CNST: variants seen among roughly 807,000 people sequenced by gnomAD.
CNST encodes consortin, connexin sorting protein.
A neutral mutation model predicts 72.4 loss-of-function variants in CNST; 39 were observed. The ratio of observed to expected loss-of-function variants is 0.54; its 90% CI spans 0.42 to 0.70. The LOEUF (loss-of-function observed/expected upper bound fraction) is 0.70. Among genes scored for constraint, CNST ranks in the 30% least tolerant of loss-of-function variants. The pLI, the probability that CNST is intolerant of heterozygous loss-of-function variation, is 0.00. For missense variants in CNST, 871 were observed against 868.5 expected (o/e 1.00, Z -0.04); for synonymous variants, 332 against 320.1 (o/e 1.04, Z -0.40).
intron 2 of CNST, among the ~76,000 whole-genome samples, chr1:246,619,277 T>C (rs1427515338): frequency 1.3e-5 from 2 of 152,142 alleles, no homozygotes; most frequent in African/African-American, 4.8e-5. Context: ...AGCAGAAGAA[T>C]CACCTCCTGT....
In CNST at chr1:246,591,929, A is replaced by C. The variant is rs1378972258; in HGVS notation, c.367A>C (p.Lys123Gln). The C allele has an allele frequency of 4.4e-6, 7 of 1,607,716 alleles. No individual in the cohort carries two copies. Among genetic ancestry groups the C allele is most frequent in the Non-Finnish European group, 5.9e-6 (7 of 1,178,146 alleles). Reference protein sequence around the residue: ...SPRSKKGTAKKIPPGLFSGDI... With the variant: ...SPRSKKGTAKQIPPGLFSGDI... Reference sequence around the variant, plus strand: ...AAGAAGCAAAAAAGGGACTGCTAAGAAGATACCACCAGGTATTGTTTAAAA... The same window carrying C: ...AAGAAGCAAAAAAGGGACTGCTAAGCAGATACCACCAGGTATTGTTTAAAA... Residue 123 changes from lysine (K) to glutamine (Q), a missense_variant, in exon 2 of 11, where the codon AAG (lysine) becomes CAG (glutamine). Coordinates refer to ENST00000366513, the MANE Select transcript of CNST (RefSeq NM_152609.3).
intron 1 of CNST, among the ~76,000 whole-genome samples, chr1:246,589,849 AT>A (rs1257977270): frequency 6.6e-6 from 1 of 152,048 alleles, no homozygotes; most frequent in Non-Finnish European, 1.5e-5. Context: ...TTTGATTTGC[AT>A]TTCTCTGATG....
chr1:246,578,886 G>A (rs79106513), intron 1 of CNST, among the ~76,000 whole-genome samples: 2,346 of 152,210 alleles, frequency 0.015, 55 homozygotes, highest in African/African-American at 0.054. Context: ...AGAACTGTTT[G>A]ACTTTGGATG....
intron 2 of CNST, among the ~76,000 whole-genome samples, chr1:246,593,900 C>A (rs886575230): frequency 3.3e-5 from 5 of 152,134 alleles, no homozygotes; most frequent in Admixed American, 2.0e-4. Flanking sequence ...GTAGCTCGGA[C>A]AACAGGCATG....
intron 2 of CNST, among the ~76,000 whole-genome samples, chr1:246,602,940 A>G (rs1662407979): frequency 6.6e-6 from 1 of 151,608 alleles, no homozygotes; most frequent in Non-Finnish European, 1.5e-5. Flanking sequence ...AAAATGCAGT[A>G]TCTATGCAGA....
chr1:246,663,748 A>G (rs1437347295), intron 10 of CNST, among the ~76,000 whole-genome samples: 2 of 152,234 alleles, frequency 1.3e-5, no homozygotes, highest in African/African-American at 2.4e-5. Flanking sequence ...CTCAAAAAAA[A>G]AAACAACTAT....
intron 2 of CNST, among the ~76,000 whole-genome samples, chr1:246,596,822 C>T (rs1661920323): frequency 6.6e-6 from 1 of 152,198 alleles, no homozygotes. Flanking sequence ...TGGAATCATA[C>T]AATAGAAGGT....
chr1:246,634,377 A>G (rs1572210798), intron 5 of CNST, 96 bp from the exon 6 acceptor site: 3 of 675,266 alleles, frequency 4.4e-6, no homozygotes, highest in East Asian at 2.8e-5. Context: ...TTTGCATGCA[A>G]ATCTTTATGA....
Position 246,647,911 on chromosome 1 carries a change from C to T in CNST, c.1710C>T (p.Asp570=), listed in dbSNP as rs1410996684. ...EDSLSYEDNQ[D]DDSDLLQDLS... is the part of the protein sequence containing the mutation. ...CCCTTTCCTATGAAGATAACCAAGA[C>T]GACGACTCCGATCTCCTTCAAGATC... The change falls in exon 9 of 11, where the codon GAC becomes GAT. Residue 570 remains aspartate, a synonymous_variant. Transcript: ENST00000366513. 21 of 1,613,870 alleles carry T rather than the reference C, an allele frequency of 1.3e-5. No homozygotes were observed. Among genetic ancestry groups the T allele is most frequent in the Admixed American group, 1.2e-4 (7 of 60,018 alleles).
chr1:246,639,076 C>G (rs922193165), intron 6 of CNST, among the ~76,000 whole-genome samples: 1 of 152,128 alleles, frequency 6.6e-6, no homozygotes, highest in Non-Finnish European at 1.5e-5. Flanking sequence ...TGCTTGGAGA[C>G]AGGCAAGCCA....
chr1:246,607,974 G>A (rs1290130045), intron 2 of CNST: 2 of 152,020 alleles, frequency 1.3e-5, no homozygotes, highest in Non-Finnish European at 2.9e-5. Flanking sequence ...CCAGCTGCTC[G>A]GGAGGCTGAG....
chr1:246,566,657 T>C lies in CNST; in HGVS notation c.-58T>C, dbSNP rs965473749. On this transcript the variant is annotated 5_prime_UTR_variant, in exon 1 of 11. Coordinates refer to ENST00000366513, the MANE Select transcript of CNST (RefSeq NM_152609.3). ...GCGGTAGCCCTCCTTGCGCCTCCGA[T>C]TCCCAGGTGAGGAGAGGAGGAGCGG... is the stretch of plus-strand genomic sequence containing the variant. 17 of 401,886 alleles carry C rather than the reference T, an allele frequency of 4.2e-5. No individual in the cohort carries two copies. Among genetic ancestry groups the C allele is most frequent in the Non-Finnish European group, 7.5e-5 (17 of 227,796 alleles). The allele number at this position is 401,886 out of a possible 1,614,324, so 24.9% of individuals were successfully genotyped here. A position where few individuals can be genotyped will look rare whatever the true frequency, so the allele number is the denominator to read the frequency against.
chr1:246,633,440 CTG>C (rs888712582), intron 4 of CNST, among the ~76,000 whole-genome samples: 3 of 139,088 alleles, frequency 2.2e-5, no homozygotes, highest in African/African-American at 5.4e-5. Context: ...CAGAGGGAGA[CTG>C]TGTCTCAAAA....
chr1:246,642,065 A>T (rs1665735658), intron 8 of CNST, 28 bp downstream of exon 8: 1 of 1,315,930 alleles, frequency 7.6e-7, no homozygotes, highest in African/African-American at 1.5e-5. Flanking sequence ...GCTATGGAGC[A>T]ACGTAAAAGA....
chr1:246,584,396 C>T (rs1476954005), intron 1 of CNST, among the ~76,000 whole-genome samples: 1 of 152,036 alleles, frequency 6.6e-6, no homozygotes, highest in Non-Finnish European at 1.5e-5. Context: ...ATTCAGATGT[C>T]CACATAAAGT....
intron 2 of CNST, among the ~76,000 whole-genome samples, chr1:246,592,211 G>A (rs546161977): frequency 1.3e-5 from 2 of 152,286 alleles, no homozygotes; most frequent in East Asian, 1.9e-4. Flanking sequence ...TGCTGAGGCC[G>A]GGTACGGTGG....
chr1:246,662,792 T>A (rs1280115789), intron 10 of CNST, among the ~76,000 whole-genome samples: 3 of 152,356 alleles, frequency 2.0e-5, no homozygotes, highest in Non-Finnish European at 2.9e-5. Flanking sequence ...CATCCTTTTT[T>A]TCACACTAAG....
At chr1:246,616,208 T>G (rs1433307007) in intron 2 of CNST, among the ~76,000 whole-genome samples, 6 of 152,162 alleles carry the variant, frequency 3.9e-5, no homozygotes, top group African/African-American at 1.4e-4. Flanking sequence ...TTTGATTTGG[T>G]TTTTCTCCTT....
intron 9 of CNST, among the ~76,000 whole-genome samples, chr1:246,649,059 A>C (rs1203052338): frequency 6.6e-6 from 1 of 151,808 alleles, no homozygotes; most frequent in Non-Finnish European, 1.5e-5. Flanking sequence ...TCTTGCCAAA[A>C]TTAGATAGAA....
Sources: allele counts gnomAD v4.1 joint callset (sites outside exome capture counted in the v4.1 genomes callset), GRCh38; gene constraint gnomAD v4.1.1; transcripts MANE v1.5; gene names NCBI Gene and HGNC (gene_info 2026-07-23, HGNC 2026-07-21).